Variants in DTNB observed in about 807,000 individuals in gnomAD.
The protein encoded by DTNB is DTN-B.
In DTNB, 63 loss-of-function variants were observed where a neutral mutation model predicts 90.7. The ratio of observed to expected loss-of-function variants is 0.69; its 90% CI spans 0.57 to 0.86. The LOEUF (loss-of-function observed/expected upper bound fraction) is 0.86, where lower values mean the gene tolerates loss of function less well. Ranked by LOEUF, DTNB falls within the 40% of genes least tolerant of loss-of-function variation. The pLI is 0.00. For missense variants in DTNB, 744 were observed against 807.1 expected (o/e 0.92, Z 0.95); for synonymous variants, 277 against 286.7 (o/e 0.97, Z 0.34).
intron 9 of DTNB, among the ~76,000 whole-genome samples, chr2:25,529,475 C>T (rs1206222990): frequency 6.6e-6 from 1 of 151,668 alleles, no homozygotes; most frequent in African/African-American, 2.4e-5. Flanking sequence ...AAAAACACGA[C>T]CCAAAAGGGA....
chr2:25,435,194 T>A (rs533404694), intron 12 of DTNB, among the ~76,000 whole-genome samples: 1 of 152,290 alleles, frequency 6.6e-6, no homozygotes, highest in South Asian at 2.1e-4. Context: ...TCATTGTTTG[T>A]ATTTTTAGTA....
intron 4 of DTNB, among the ~76,000 whole-genome samples, chr2:25,613,957 C>CTAAA (rs1440773226): frequency 5.7e-4 from 86 of 152,142 alleles, no homozygotes; most frequent in Middle Eastern, 3.4e-3. Context: ...GACTCCGTCT[C>CTAAA]TAAATAAATA....
intron 9 of DTNB, among the ~76,000 whole-genome samples, chr2:25,508,605 G>A (rs1406804745): frequency 1.4e-5 from 2 of 140,808 alleles, no homozygotes; most frequent in Non-Finnish European, 3.0e-5. Context: ...CATGATCTTG[G>A]CTCACCACAA....
intron 12 of DTNB, among the ~76,000 whole-genome samples, chr2:25,441,625 C>A (rs2057413027): frequency 6.6e-6 from 1 of 152,192 alleles, no homozygotes; most frequent in South Asian, 2.1e-4. Context: ...CTTCATGGAG[C>A]TCTCATGCCA....
chr2:25,633,266 T>A (rs1175657774), intron 3 of DTNB, among the ~76,000 whole-genome samples: 2 of 151,940 alleles, frequency 1.3e-5, no homozygotes, highest in African/African-American at 4.8e-5. Context: ...CCTCCCTGCC[T>A]GATTCTCCTG....
At chr2:25,658,256 CAAAAAAA>C (rs896773539) in intron 1 of DTNB, among the ~76,000 whole-genome samples, 3 of 65,330 alleles carry the variant, frequency 4.6e-5, no homozygotes, top group Non-Finnish European at 9.5e-5. Flanking sequence ...GACTCCATCT[CAAAAAAA>C]AAAAAAAAGA....
At chr2:25,576,285 G>A (rs2060664479) in intron 8 of DTNB, among the ~76,000 whole-genome samples, 1 of 148,638 alleles carries the variant, frequency 6.7e-6, no homozygotes, top group African/African-American at 2.5e-5. Flanking sequence ...GAGTGCAGTG[G>A]CGCAATCTCG....
At chr2:25,395,521 A>T (rs1024552479) in intron 16 of DTNB, among the ~76,000 whole-genome samples, 1 of 149,788 alleles carries the variant, frequency 6.7e-6, no homozygotes, top group African/African-American at 2.4e-5. Flanking sequence ...TATGTACATA[A>T]ATATATAAAT....
At chr2:25,638,932 A>G (rs532557793) in intron 3 of DTNB, 82 bp downstream of exon 3, 516 of 1,318,868 alleles carry the variant, frequency 3.9e-4, no homozygotes, top group Non-Finnish European at 5.1e-4. Flanking sequence ...TTAACATTAC[A>G]ATACAACTAA....
chr2:25,542,273 T>C (rs1022603605), intron 8 of DTNB, among the ~76,000 whole-genome samples: 7 of 152,164 alleles, frequency 4.6e-5, no homozygotes, highest in African/African-American at 1.7e-4. Flanking sequence ...TTAGTAAATA[T>C]TTTATATGAG....
rs962235111 is a variant in DTNB, at chr2:25,575,243, CA to C, written c.876+1594del. On this transcript the variant is annotated intron_variant, in intron 8 of 20. Transcript: ENST00000406818. Reference sequence around the variant, plus strand: ...GAATTAGACTCTACACACACACACACAAAAAAAAAAAACCAGTGGAAAAAAC... The same window carrying C: ...GAATTAGACTCTACACACACACACACAAAAAAAAAAACCAGTGGAAAAAAC... Among the ~76,000 whole-genome samples, 281 of 139,794 alleles carry C rather than the reference CA, an allele frequency of 2.0e-3. 5 individuals are homozygous for C. Among genetic ancestry groups the C allele is most frequent in the Non-Finnish European group, 1.2e-3 (80 of 65,012 alleles). 91.7% of individuals were successfully genotyped at this position (139,794 alleles called of 152,430 possible).
chr2:25,495,230 A>T (rs1436415799), intron 9 of DTNB, among the ~76,000 whole-genome samples: 1 of 151,914 alleles, frequency 6.6e-6, no homozygotes. Context: ...CACACCAGCT[A>T]ATTTCTGTAT....
chr2:25,427,837 T>C (rs2052380523), intron 14 of DTNB: 3 of 439,264 alleles, frequency 6.8e-6, no homozygotes, highest in African/African-American at 6.1e-5. Flanking sequence ...TAAAAGTGCT[T>C]TGGAAAGTTT....
At chr2:25,384,805 A>T (rs1011352227) in intron 18 of DTNB, among the ~76,000 whole-genome samples, 1 of 152,172 alleles carries the variant, frequency 6.6e-6, no homozygotes, top group African/African-American at 2.4e-5. Context: ...CGCTGGAAAT[A>T]TTCAGAGGAC....
intron 19 of DTNB, among the ~76,000 whole-genome samples, chr2:25,383,059 T>C (rs1160968974): frequency 2.0e-5 from 3 of 152,146 alleles, no homozygotes; most frequent in African/African-American, 7.2e-5. Context: ...CCCTTCTTGG[T>C]TTTATTCTTC....
In DTNB at chr2:25,527,286, G is replaced by A. The variant is rs540176976; in HGVS notation, c.1001+4187C>T. Among the ~76,000 whole-genome samples, 4 of 152,318 alleles carry A rather than the reference G, an allele frequency of 2.6e-5. No individual in the cohort carries two copies. The South Asian group carries it at 8.3e-4, about 32-fold the overall frequency. ...CGCCTGTAATCCCAGCACTTTGGGA[G>A]GCCAAAAGGGGGTGGATCAAGAGGT... is the stretch of plus-strand genomic sequence containing the variant. On this transcript the variant is annotated intron_variant, in intron 9 of 20. Transcript: ENST00000406818.
intron 2 of DTNB, among the ~76,000 whole-genome samples, chr2:25,639,546 G>T (rs1257259775): frequency 2.0e-5 from 3 of 151,942 alleles, no homozygotes; most frequent in African/African-American, 7.3e-5. Flanking sequence ...GGGAAATGAG[G>T]GAACGGACCG....
chr2:25,667,791 T>G (rs1304172266), intron 1 of DTNB, among the ~76,000 whole-genome samples: 2 of 152,190 alleles, frequency 1.3e-5, no homozygotes, highest in African/African-American at 4.8e-5. Context: ...AGTTACAAAT[T>G]TAATGTCTAC....
intron 9 of DTNB, among the ~76,000 whole-genome samples, chr2:25,512,885 A>G (rs979728901): frequency 6.6e-6 from 1 of 152,240 alleles, no homozygotes; most frequent in Non-Finnish European, 1.5e-5. Context: ...GTAGTAGAAG[A>G]TAAGATTCCA....
Sources: gnomAD v4.1 joint callset for allele counts (sites outside exome capture counted in the v4.1 genomes callset) on GRCh38, gnomAD v4.1.1 for gene constraint, MANE v1.5 for transcripts, NCBI Gene and HGNC (gene_info 2026-07-23, HGNC 2026-07-21) for gene names.